PKD1L1: variants seen among roughly 807,000 people sequenced by gnomAD.
PKD1L1 encodes the protein polycystin 1 like 1, transient receptor potential channel interacting.
A neutral mutation model predicts 323.4 loss-of-function variants in PKD1L1; 236 were observed. That is an observed-to-expected ratio of 0.73 (90% confidence interval 0.66 to 0.81). PKD1L1 has a LOEUF of 0.81. PKD1L1 is among the 40% of genes least tolerant of loss of function. PKD1L1 has a pLI of 0.00. For synonymous variants in PKD1L1, 1,344 were observed against 1,335.0 expected, an observed-to-expected ratio of 1.01 and a Z score of -0.15; for missense variants, 3,320 against 3,508.0, an observed-to-expected ratio of 0.95 and a Z score of 1.35.
chr7:47,884,634 T>C lies in PKD1L1; in HGVS notation c.3229A>G (p.Ile1077Val), dbSNP rs752157813. The part of the protein sequence containing the change: ...LSDFEAYYSD[I>V]QEAIPSGGRQ... ...CCTCCCGATGGTATTGCTTCTTGAA[T>C]GTCACTGTAATAGGCTTCAAAATCT... The change falls in exon 19 of 57, where the codon ATT (isoleucine) becomes GTT (valine). Residue 1077 changes from isoleucine (I) to valine (V), a missense_variant. Coordinates refer to ENST00000289672, the MANE Select transcript of PKD1L1 (RefSeq NM_138295.5). 1.2e-6 allele frequency: 2 copies of C among 1,614,008 alleles called. No individual in the cohort carries two copies. Among genetic ancestry groups the C allele is most frequent in the South Asian group, 2.2e-5 (2 of 91,084 alleles).
chr7:47,855,875 CAAAA>C (rs536157879), intron 28 of PKD1L1, among the ~76,000 whole-genome samples: 1 of 32,548 alleles, frequency 3.1e-5, no homozygotes, highest in Non-Finnish European at 4.6e-5. Flanking sequence ...GACTCCGTCT[CAAAA>C]AAAAAAAAAA....
In PKD1L1 at chr7:47,837,128, A is replaced by C. The variant is rs752894548; in HGVS notation, c.5770-34T>G. The C allele has an allele frequency of 2.3e-5, 37 of 1,608,860 alleles. No individual in the cohort carries two copies. In the East Asian group the frequency reaches 8.3e-4, roughly 36 times the overall value. ...GAAAGCAGGAGAAGTGTTCCCTGACATGGAGCATTTCTGTCAGCAAAGCAA... is the reference window on the plus strand; with the variant it reads ...GAAAGCAGGAGAAGTGTTCCCTGACCTGGAGCATTTCTGTCAGCAAAGCAA... On this transcript the variant is annotated intron_variant, in intron 36 of 56. Coordinates refer to ENST00000289672, the MANE Select transcript of PKD1L1 (RefSeq NM_138295.5).
intron 7 of PKD1L1, among the ~76,000 whole-genome samples, chr7:47,927,900 T>C (rs1037303568): frequency 3.3e-5 from 5 of 152,220 alleles, no homozygotes; most frequent in African/African-American, 7.2e-5. Flanking sequence ...TTTGCAATGC[T>C]GAAAGATCAG....
At chr7:47,829,028 G>A (rs1000599552) in intron 44 of PKD1L1, among the ~76,000 whole-genome samples, 1 of 152,096 alleles carries the variant, frequency 6.6e-6, no homozygotes, top group Admixed American at 6.6e-5. Flanking sequence ...AATAAAAGAA[G>A]GAAGAAAGGG....
chr7:47,862,603 C>T lies in PKD1L1; in HGVS notation c.4149+2613G>A, dbSNP rs183898185. On this transcript the variant is annotated intron_variant, in intron 26 of 56. Transcript: ENST00000289672. Reference sequence around the variant, plus strand: ...GTTGTGAAAATATTGAAGGGGATAGCCCATAACAGGAAGAGAGGATAATAA... The same window carrying T: ...GTTGTGAAAATATTGAAGGGGATAGTCCATAACAGGAAGAGAGGATAATAA... Among the ~76,000 whole-genome samples the T allele has an allele frequency of 2.0e-4, 30 of 152,232 alleles. No homozygotes were observed. The South Asian group carries it at 2.3e-3, about 12-fold the overall frequency.
In PKD1L1 at chr7:47,890,582, T is replaced by A; in HGVS notation, c.2635A>T (p.Thr879Ser). 9.9e-6 allele frequency: 16 copies of A among 1,613,890 alleles called. No individual in the cohort carries two copies. Among genetic ancestry groups the A allele is most frequent in the Non-Finnish European group, 1.4e-5 (16 of 1,179,980 alleles). ...VSSGGRNSSE[T>S]RVFLSPYPDS... ...GGGTAGGGGGACAGGAACACCCGGG[T>A]CTCAGAAGAGTTCCGGCCACCACTG... The change falls in exon 16 of 57, where the codon ACC becomes TCC. Residue 879 changes from threonine (T) to serine (S), a missense_variant. Thr to Ser is a moderately conservative substitution (Grantham distance 58). Transcript: ENST00000289672.
chr7:47,789,050 T>TTTGTAGTTAATACA (rs1786879766), intron 56 of PKD1L1, among the ~76,000 whole-genome samples: 2 of 152,226 alleles, frequency 1.3e-5, no homozygotes, highest in East Asian at 3.8e-4. Flanking sequence ...ACATGTAGTT[T>TTTGTAGTTAATACA]TATTTTTAAT....
intron 18 of PKD1L1, 78 bp downstream of exon 18, chr7:47,885,608 C>A: frequency 2.6e-6 from 4 of 1,522,232 alleles, no homozygotes; most frequent in Non-Finnish European, 2.6e-6. Context: ...TCACACCTTA[C>A]CCACCAGATT....
chr7:47,951,172 T>C (rs1482821674), upstream of PKD1L1, among the ~76,000 whole-genome samples: 2 of 152,154 alleles, frequency 1.3e-5, no homozygotes, highest in Non-Finnish European at 2.9e-5. Context: ...AAGAAATCAC[T>C]ATCTAAGCTC....
intron 34 of PKD1L1, among the ~76,000 whole-genome samples, chr7:47,842,668 G>A (rs1345617183): frequency 6.6e-6 from 1 of 152,106 alleles, no homozygotes; most frequent in Non-Finnish European, 1.5e-5. Flanking sequence ...CTCATTCTCA[G>A]AGTCTCAAAG....
intron 15 of PKD1L1, among the ~76,000 whole-genome samples, chr7:47,892,387 A>T (rs1055836835): frequency 6.6e-6 from 1 of 152,162 alleles, no homozygotes; most frequent in Admixed American, 6.5e-5. Flanking sequence ...TGAGCTGTGG[A>T]GGCAGGAAGG....
At chr7:47,863,326 G>C (rs559496825) in intron 26 of PKD1L1, among the ~76,000 whole-genome samples, 6 of 152,214 alleles carry the variant, frequency 3.9e-5, no homozygotes, top group East Asian at 1.9e-4. Context: ...GTAGTTATAC[G>C]TGCGTGTCTG....
At position 47,890,604 on chromosome 7, in the gene PKD1L1, A is replaced by G; in HGVS notation, c.2613T>C (p.Ser871=). ...DQFLVMLRVS[S]GGRNSSETRV... ...GGGTCTCAGAAGAGTTCCGGCCACC[A>G]CTGGAGACCCTCAGCATCACAAGGA... is the stretch of plus-strand genomic sequence containing the variant. Residue 871 remains serine (S), a synonymous_variant, in exon 16 of 57, where the codon AGT becomes AGC. Transcript: ENST00000289672. 2.5e-6 allele frequency: 4 copies of G among 1,614,176 alleles called. No homozygotes were observed. The highest frequency in any genetic ancestry group is 3.4e-6 in the Non-Finnish European group (4 of 1,180,030).
intron 20 of PKD1L1, 35 bp downstream of exon 20, chr7:47,881,874 C>T (rs1172050626): frequency 1.3e-6 from 2 of 1,528,066 alleles, no homozygotes; most frequent in Non-Finnish European, 1.8e-6. Flanking sequence ...TTCAGAAACA[C>T]TGCAAATTGG....
chr7:47,786,850 G>C (rs773121269), intron 56 of PKD1L1, among the ~76,000 whole-genome samples: 1 of 152,132 alleles, frequency 6.6e-6, no homozygotes, highest in South Asian at 2.1e-4. Flanking sequence ...GGGGTCCAAG[G>C]CTACATAGCT....
intron 3 of PKD1L1, among the ~76,000 whole-genome samples, chr7:47,937,253 T>TGGGGGGGGGGGGGGGGGGGGGGG (rs1787886392): frequency 1.6e-3 from 4 of 2,450 alleles, no homozygotes; most frequent in African/African-American, 3.5e-3. Flanking sequence ...CGGGACGGGG[T>TGGGGGGGGGGGGGGGGGGGGGGG]GGGGGTGGGG....
the PKD1L1 span, among the ~76,000 whole-genome samples, chr7:47,958,524 T>C: frequency 6.6e-6 from 1 of 152,302 alleles, no homozygotes; most frequent in East Asian, 1.9e-4. Flanking sequence ...ATTACATTTA[T>C]ATGGGCAAGA....
Position 47,857,852 on chromosome 7 carries a change from G to A in PKD1L1, c.4363-20C>T. On this transcript the variant is annotated intron_variant, in intron 27 of 56. Coordinates refer to ENST00000289672, the MANE Select transcript of PKD1L1 (RefSeq NM_138295.5). ...ACAACCCTGAAACATAGAGCATAGG[G>A]AGTGGGATGTTTATAACACAAATGC... 1.9e-6 allele frequency: 3 copies of A among 1,606,216 alleles called. No homozygotes were observed. Among genetic ancestry groups the A allele is most frequent in the Non-Finnish European group, 2.6e-6 (3 of 1,173,420 alleles).
intron 14 of PKD1L1, 29 bp from the exon 15 acceptor site, chr7:47,894,088 T>G (rs766579870): frequency 6.6e-7 from 1 of 1,521,706 alleles, no homozygotes; most frequent in Admixed American, 2.1e-5. Flanking sequence ...ACAGGGGATG[T>G]CATGCAGGGA....
Sources: allele counts gnomAD v4.1 joint callset (sites outside exome capture counted in the v4.1 genomes callset), GRCh38; gene constraint gnomAD v4.1.1; transcripts MANE v1.5; gene names NCBI Gene and HGNC (gene_info 2026-07-23, HGNC 2026-07-21).